The following PALLD variants were observed in gnomAD, a reference collection of about 807,000 sequenced individuals.
PALLD encodes the protein palladin, cytoskeletal associated protein.
PALLD carries 61 observed loss-of-function variants against 123.5 expected under a neutral mutation model. The ratio of observed to expected loss-of-function variants is 0.49; its 90% CI spans 0.40 to 0.61. The LOEUF is 0.61. PALLD is among the 20% of genes least tolerant of loss of function. PALLD has a pLI of 0.00. For synonymous variants in PALLD, 465 were observed against 496.4 expected, an observed-to-expected ratio of 0.94 and a Z score of 0.84; for missense variants, 1,273 against 1,377.0, an observed-to-expected ratio of 0.92 and a Z score of 1.20.
intron 15 of PALLD, among the ~76,000 whole-genome samples, chr4:168,909,943 A>G (rs915050961): frequency 6.6e-6 from 1 of 152,178 alleles, no homozygotes; most frequent in African/African-American, 2.4e-5. Context: ...CTGGTTATGT[A>G]TTGGTTAGTA....
intron 10 of PALLD, among the ~76,000 whole-genome samples, chr4:168,820,952 C>T (rs183454832): frequency 3.9e-5 from 6 of 152,250 alleles, no homozygotes; most frequent in South Asian, 2.1e-4. Context: ...AAGTGAGGAT[C>T]GCAATAAGAG....
At chr4:168,782,311 G>C (rs1736039831) in intron 10 of PALLD, among the ~76,000 whole-genome samples, 1 of 152,168 alleles carries the variant, frequency 6.6e-6, no homozygotes. Flanking sequence ...GTTTAATTTT[G>C]ATCCCAAACC....
intron 2 of PALLD, among the ~76,000 whole-genome samples, chr4:168,585,021 T>A (rs1379067257): frequency 1.3e-5 from 2 of 152,166 alleles, no homozygotes; most frequent in African/African-American, 4.8e-5. Flanking sequence ...ATAATAGTTA[T>A]TTATGATAAA....
chr4:168,694,607 A>G (rs1296135990), intron 8 of PALLD, among the ~76,000 whole-genome samples: 1 of 152,194 alleles, frequency 6.6e-6, no homozygotes, highest in Non-Finnish European at 1.5e-5. Context: ...CTCCAGAAAT[A>G]AAGTTGAAAT....
intron 2 of PALLD, among the ~76,000 whole-genome samples, chr4:168,615,239 G>C (rs1419478713): frequency 6.6e-6 from 1 of 151,694 alleles, no homozygotes; most frequent in Non-Finnish European, 1.5e-5. Flanking sequence ...TCACATTCAT[G>C]CTTCAGTTTC....
At chr4:168,626,854 C>T (rs886086062) in intron 2 of PALLD, among the ~76,000 whole-genome samples, 4 of 151,926 alleles carry the variant, frequency 2.6e-5, no homozygotes, top group Admixed American at 2.0e-4. Context: ...AAGTCAGTCA[C>T]AAAAAGACAA....
At chr4:168,734,006 A>G (rs1787471254) in intron 10 of PALLD, among the ~76,000 whole-genome samples, 1 of 152,242 alleles carries the variant, frequency 6.6e-6, no homozygotes. Flanking sequence ...AAGTGCTGGG[A>G]TTACAGGCGT....
intron 10 of PALLD, among the ~76,000 whole-genome samples, chr4:168,830,999 T>G (rs1229158623): frequency 3.9e-5 from 6 of 152,372 alleles, no homozygotes; most frequent in Admixed American, 1.3e-4. Context: ...ATTCATTCAT[T>G]CATGCATTCA....
At position 168,894,608 on chromosome 4, in the gene PALLD, T is replaced by C. The variant is rs749041581; in HGVS notation, c.2130T>C (p.Arg710=). Residue 710 remains arginine, a synonymous_variant, in exon 12 of 22, where the codon CGT becomes CGC. Coordinates refer to ENST00000505667, the MANE Select transcript of PALLD (RefSeq NM_001166108.2). ...TAACATACGAAGAAAGAATGGCTCG[T>C]CGACTGCTAGGTGCTGACAGTGCAA... ...PRLTYEERMA[R]RLLGADSATV... The C allele has an allele frequency of 7.3e-5, 117 of 1,613,448 alleles. No homozygotes were observed. Among genetic ancestry groups the C allele is most frequent in the Non-Finnish European group, 9.7e-5 (114 of 1,179,644 alleles).
chr4:168,747,312 A>T (rs1490261370), intron 10 of PALLD, among the ~76,000 whole-genome samples: 1 of 152,240 alleles, frequency 6.6e-6, no homozygotes, highest in African/African-American at 2.4e-5. Flanking sequence ...GTAGGCAAGG[A>T]AGTCCAACCT....
chr4:168,794,506 G>A (rs6823645), intron 10 of PALLD, among the ~76,000 whole-genome samples: 31,967 of 143,514 alleles, frequency 0.22, 3,519 homozygotes, highest in Middle Eastern at 0.28. Flanking sequence ...ACACACACAC[G>A]CACACACACA....
chr4:168,642,968 A>G (rs978302578), intron 2 of PALLD, among the ~76,000 whole-genome samples: 6 of 152,204 alleles, frequency 3.9e-5, no homozygotes, highest in African/African-American at 1.2e-4. Context: ...ACAGCAAAGT[A>G]TTTGGAGCTG....
At chr4:168,522,453 C>A (rs1311400157) in intron 2 of PALLD, among the ~76,000 whole-genome samples, 1 of 152,214 alleles carries the variant, frequency 6.6e-6, no homozygotes, top group Non-Finnish European at 1.5e-5. Context: ...CCTGAAGTTT[C>A]AGATACCTTC....
intron 2 of PALLD, among the ~76,000 whole-genome samples, chr4:168,638,225 C>G (rs1043671239): frequency 2.6e-5 from 4 of 152,162 alleles, no homozygotes; most frequent in Non-Finnish European, 5.9e-5. Context: ...ATTTTATTAT[C>G]TGGAAACTAT....
intron 10 of PALLD, among the ~76,000 whole-genome samples, chr4:168,779,846 T>G (rs967167823): frequency 6.6e-6 from 1 of 152,160 alleles, no homozygotes; most frequent in Non-Finnish European, 1.5e-5. Flanking sequence ...TCTACTGTTC[T>G]TTACTTTGGG....
intron 8 of PALLD, among the ~76,000 whole-genome samples, chr4:168,703,069 C>A (rs1783849403): frequency 8.2e-6 from 1 of 121,344 alleles, no homozygotes; most frequent in Non-Finnish European, 1.7e-5. Context: ...TCCCCCCACC[C>A]CACAACAGTC....
At chr4:168,635,044 A>C (rs1245138511) in intron 2 of PALLD, among the ~76,000 whole-genome samples, 1 of 152,082 alleles carries the variant, frequency 6.6e-6, no homozygotes, top group Non-Finnish European at 1.5e-5. Context: ...AAGAGACCCA[A>C]CTCTCTCCAA....
intron 10 of PALLD, among the ~76,000 whole-genome samples, chr4:168,835,399 G>T (rs189855367): frequency 6.6e-6 from 1 of 152,090 alleles, no homozygotes; most frequent in African/African-American, 2.4e-5. Flanking sequence ...TACTATATAC[G>T]TATTGGCTCA....
At chr4:168,761,645 G>GTTTGTTTTTTTTTTTTTTT (rs1561493717) in intron 10 of PALLD, among the ~76,000 whole-genome samples, 1 of 88,024 alleles carries the variant, frequency 1.1e-5, no homozygotes. Context: ...GTTGTTGTTT[G>GTTTGTTTTTTTTTTTTTTT]TTTTTTTTTT....
Sources: allele counts gnomAD v4.1 joint callset (sites outside exome capture counted in the v4.1 genomes callset), GRCh38; gene constraint gnomAD v4.1.1; transcripts MANE v1.5; gene names NCBI Gene and HGNC (gene_info 2026-07-23, HGNC 2026-07-21).